MACROD2: variants seen among roughly 807,000 people sequenced by gnomAD.
MACROD2 encodes mono-ADP ribosylhydrolase 2.
MACROD2 carries 36 observed loss-of-function variants against 70.4 expected under a neutral mutation model. That is an observed-to-expected ratio of 0.51 (90% CI 0.39 to 0.68). MACROD2 has a LOEUF of 0.68. MACROD2 is among the 30% of genes least tolerant of loss of function. MACROD2 has a pLI of 0.00. For missense variants in MACROD2, 496 were observed against 538.4 expected (o/e 0.92, Z 0.78); for synonymous variants, 172 against 178.8 (o/e 0.96, Z 0.30).
At chr20:15,456,094 G>A (rs2046721439) in intron 7 of MACROD2, among the ~76,000 whole-genome samples, 1 of 152,114 alleles carries the variant, frequency 6.6e-6, no homozygotes, top group African/African-American at 2.4e-5. Flanking sequence ...GTGGTATCTT[G>A]ACAGTAATTG....
chr20:14,115,088 A>G (rs1013531277), intron 3 of MACROD2, among the ~76,000 whole-genome samples: 7 of 152,082 alleles, frequency 4.6e-5, no homozygotes, highest in Admixed American at 1.3e-4. Flanking sequence ...AAAAAATGGT[A>G]GGGCATTGTT....
chr20:15,746,411 A>T (rs760482680), intron 8 of MACROD2, among the ~76,000 whole-genome samples: 15 of 151,802 alleles, frequency 9.9e-5, no homozygotes, highest in Non-Finnish European at 1.6e-4. Flanking sequence ...ATTATTTTGG[A>T]AGTTATATGA....
chr20:14,255,636 G>A (rs1346138049), intron 3 of MACROD2, among the ~76,000 whole-genome samples: 1 of 151,378 alleles, frequency 6.6e-6, no homozygotes, highest in Non-Finnish European at 1.5e-5. Context: ...GTATACATAT[G>A]TAACTAACCT....
In MACROD2 at chr20:15,858,890, G is replaced by A. The variant is rs55730313; in HGVS notation, c.646-3855G>A. ...CCCAGATTCAAGAGGTGGAATTACA[G>A]TTGACCCTTGAACAATGTGAGGGTG... On this transcript the variant is annotated intron_variant, in intron 8 of 17. Coordinates refer to ENST00000684519, the MANE Select transcript of MACROD2 (RefSeq NM_001351661.2). Among the ~76,000 whole-genome samples, 1,153 of 152,264 alleles carry A rather than the reference G, an allele frequency of 7.6e-3. 16 individuals carry two copies. The highest frequency in any genetic ancestry group is 0.026 in the African/African-American group (1,095 of 41,550).
At chr20:14,650,113 GT>G (rs915653059) in intron 4 of MACROD2, among the ~76,000 whole-genome samples, 1 of 152,158 alleles carries the variant, frequency 6.6e-6, no homozygotes, top group African/African-American at 2.4e-5. Flanking sequence ...ATCAATCTGA[GT>G]GGATTTGTTC....
chr20:14,490,520 A>G (rs1468156559), intron 3 of MACROD2, among the ~76,000 whole-genome samples: 1 of 152,190 alleles, frequency 6.6e-6, no homozygotes, highest in Non-Finnish European at 1.5e-5. Context: ...CTCCACTGGT[A>G]ATAAAAGAGA....
chr20:14,549,126 C>A (rs1978480726), intron 4 of MACROD2, among the ~76,000 whole-genome samples: 1 of 152,186 alleles, frequency 6.6e-6, no homozygotes, highest in Non-Finnish European at 1.5e-5. Flanking sequence ...AGTGCACCAG[C>A]AATGACTGCC....
intron 5 of MACROD2, among the ~76,000 whole-genome samples, chr20:15,227,703 A>G (rs1033856843): frequency 2.6e-5 from 4 of 152,258 alleles, no homozygotes; most frequent in African/African-American, 9.6e-5. Context: ...TCAATCGTCA[A>G]CTGTATTTAG....
intron 8 of MACROD2, among the ~76,000 whole-genome samples, chr20:15,859,759 C>CT (rs10710498): frequency 0.043 from 6,147 of 143,792 alleles, 165 homozygotes; most frequent in Middle Eastern, 0.075. Context: ...CATCCCCGCG[C>CT]TTTTTTTTTT....
At chr20:14,387,486 A>T (rs2083481395) in intron 3 of MACROD2, among the ~76,000 whole-genome samples, 1 of 152,192 alleles carries the variant, frequency 6.6e-6, no homozygotes, top group South Asian at 2.1e-4. Flanking sequence ...CAATAAGAAA[A>T]TAGAAAAAAG....
At chr20:15,307,322 C>T (rs6105388) in intron 6 of MACROD2, among the ~76,000 whole-genome samples, 26,143 of 152,038 alleles carry the variant, frequency 0.17, 2,637 homozygotes, top group East Asian at 0.46. Context: ...GAGGATAAGG[C>T]TTGGATCTTT....
chr20:16,031,609 A>G (rs2067152457), intron 15 of MACROD2, among the ~76,000 whole-genome samples: 1 of 152,178 alleles, frequency 6.6e-6, no homozygotes, highest in South Asian at 2.1e-4. Flanking sequence ...AGAAATTATG[A>G]TATATCTATA....
At chr20:15,636,089 A>AAAAAG (rs1459679844) in intron 8 of MACROD2, among the ~76,000 whole-genome samples, 6,742 of 133,114 alleles carry the variant, frequency 0.051, 375 homozygotes, top group Non-Finnish European at 0.064. Flanking sequence ...AAAAAAAAAA[A>AAAAAG]AAAGAAAGAA....
intron 15 of MACROD2, among the ~76,000 whole-genome samples, chr20:16,023,473 C>CAAAA (rs60347463): frequency 0.11 from 7,943 of 71,222 alleles, 716 homozygotes; most frequent in Non-Finnish European, 0.15. Flanking sequence ...GACTCCATCT[C>CAAAA]AAAAAAAAAA....
intron 15 of MACROD2, among the ~76,000 whole-genome samples, chr20:16,031,605 T>G (rs1465017144): frequency 6.6e-6 from 1 of 152,116 alleles, no homozygotes; most frequent in African/African-American, 2.4e-5. Flanking sequence ...ATAAAGAAAT[T>G]ATGATATATC....
chr20:15,530,656 C>T (rs552765395), intron 8 of MACROD2, among the ~76,000 whole-genome samples: 13 of 144,466 alleles, frequency 9.0e-5, no homozygotes, highest in African/African-American at 2.9e-4. Flanking sequence ...GGCATGAACC[C>T]GGGAGCCGAG....
chr20:14,122,474 T>C (rs898447057), intron 3 of MACROD2, among the ~76,000 whole-genome samples: 9 of 152,194 alleles, frequency 5.9e-5, no homozygotes, highest in Admixed American at 2.6e-4. Flanking sequence ...TCACCCAGCT[T>C]ACTTTCCTCA....
At chr20:15,935,465 G>A (rs570254729) in intron 11 of MACROD2, among the ~76,000 whole-genome samples, 18 of 152,280 alleles carry the variant, frequency 1.2e-4, no homozygotes, top group Admixed American at 3.3e-4. Context: ...GTTATGGGTC[G>A]TTAAAGCTCT....
chr20:15,499,009 T>G (rs1426229904), intron 7 of MACROD2, among the ~76,000 whole-genome samples: 1 of 152,186 alleles, frequency 6.6e-6, no homozygotes, highest in African/African-American at 2.4e-5. Flanking sequence ...AATATATACA[T>G]TGATAAGGTT....
Sources: gnomAD v4.1 joint callset for allele counts (sites outside exome capture counted in the v4.1 genomes callset) on GRCh38, gnomAD v4.1.1 for gene constraint, MANE v1.5 for transcripts, NCBI Gene and HGNC (gene_info 2026-07-23, HGNC 2026-07-21) for gene names.